The following CHST9 variants were observed in gnomAD, a reference collection of about 807,000 sequenced individuals.
CHST9 encodes the protein carbohydrate sulfotransferase 9.
A neutral mutation model predicts 44.4 loss-of-function variants in CHST9; 41 were observed. The observed-to-expected ratio is 0.92, with a 90% CI of 0.72 to 1.20. The LOEUF (loss-of-function observed/expected upper bound fraction) is 1.20. CHST9 is among the 50% of genes most tolerant of loss of function. The pLI, the probability that CHST9 is intolerant of heterozygous loss-of-function variation, is 0.00. For synonymous variants in CHST9, 171 were observed against 178.4 expected (o/e 0.96, Z 0.33); for missense variants, 504 against 516.5 (o/e 0.98, Z 0.23).
chr18:26,953,960 GA>G, intron 4 of CHST9, among the ~76,000 whole-genome samples: 1 of 152,184 alleles, frequency 6.6e-6, no homozygotes, highest in East Asian at 1.9e-4. Flanking sequence ...AAGAAGATGA[GA>G]TTATGAATCT....
chr18:27,182,983 A>C (rs1598786814), intron 1 of CHST9, among the ~76,000 whole-genome samples: 1 of 152,148 alleles, frequency 6.6e-6, no homozygotes, highest in East Asian at 1.9e-4. Flanking sequence ...AAGTTTCTGA[A>C]GTCACAGGGC....
At chr18:26,949,189 A>G (rs140663198) in intron 4 of CHST9, among the ~76,000 whole-genome samples, 120 of 152,252 alleles carry the variant, frequency 7.9e-4, no homozygotes, top group African/African-American at 2.6e-3. Context: ...TGCGGGCTTG[A>G]GCCCAGGCAG....
chr18:26,993,065 C>T (rs979634751), intron 4 of CHST9, among the ~76,000 whole-genome samples: 1 of 152,196 alleles, frequency 6.6e-6, no homozygotes, highest in Non-Finnish European at 1.5e-5. Context: ...ATGATAATCA[C>T]CACTCTCCTC....
intron 4 of CHST9, among the ~76,000 whole-genome samples, chr18:27,011,070 A>G (rs2057077967): frequency 6.6e-6 from 1 of 152,188 alleles, no homozygotes; most frequent in Admixed American, 6.5e-5. Context: ...AAGCCCTGGC[A>G]TGGAGATTAA....
At chr18:26,971,119 A>G (rs184214361) in intron 4 of CHST9, among the ~76,000 whole-genome samples, 1 of 152,296 alleles carries the variant, frequency 6.6e-6, no homozygotes, top group African/African-American at 2.4e-5. Flanking sequence ...TTCTGAGCAC[A>G]TCTTCTGTTT....
chr18:26,922,353 C>T (rs1293532332), intron 5 of CHST9, among the ~76,000 whole-genome samples: 1 of 152,180 alleles, frequency 6.6e-6, no homozygotes. Flanking sequence ...GACTATAGCA[C>T]TTAGTCTGTA....
intron 2 of CHST9, among the ~76,000 whole-genome samples, chr18:27,050,936 G>C (rs1208900190): frequency 1.3e-5 from 2 of 152,190 alleles, no homozygotes; most frequent in Non-Finnish European, 2.9e-5. Context: ...AATTCTGAAA[G>C]TTGGAAGTGT....
intron 2 of CHST9, among the ~76,000 whole-genome samples, chr18:27,088,157 G>A (rs2058031192): frequency 6.6e-6 from 1 of 152,080 alleles, no homozygotes; most frequent in Non-Finnish European, 1.5e-5. Flanking sequence ...TATAGTTTTG[G>A]ATTCCTCAGT....
intron 5 of CHST9, among the ~76,000 whole-genome samples, chr18:26,943,707 CTCTT>C (rs2056118413): frequency 6.6e-6 from 1 of 152,176 alleles, no homozygotes. Flanking sequence ...GGGAAGGCCT[CTCTT>C]TGTTTGTGTG....
At chr18:27,122,081 TAA>T (rs1278136834) in intron 2 of CHST9, among the ~76,000 whole-genome samples, 1 of 152,198 alleles carries the variant, frequency 6.6e-6, no homozygotes, top group Non-Finnish European at 1.5e-5. Flanking sequence ...GGAGTATGGA[TAA>T]GAGATGGAGG....
chr18:26,971,497 TG>T (rs2056541867), intron 4 of CHST9, among the ~76,000 whole-genome samples: 1 of 152,226 alleles, frequency 6.6e-6, no homozygotes, highest in African/African-American at 2.4e-5. Flanking sequence ...CAAGTCACAG[TG>T]GCTTAAAAGG....
intron 4 of CHST9, among the ~76,000 whole-genome samples, chr18:26,988,610 A>T (rs976190815): frequency 2.6e-5 from 4 of 152,182 alleles, no homozygotes; most frequent in African/African-American, 9.6e-5. Context: ...AGAGAACTCA[A>T]TACCTCTCTT....
chr18:26,984,673 C>A (rs894325502), intron 4 of CHST9, among the ~76,000 whole-genome samples: 1 of 131,166 alleles, frequency 7.6e-6, no homozygotes, highest in East Asian at 2.2e-4. Context: ...GTCAATCTCT[C>A]AGAAAAATGA....
At chr18:27,148,329 CAT>C (rs1379758928) in intron 1 of CHST9, among the ~76,000 whole-genome samples, 3 of 151,606 alleles carry the variant, frequency 2.0e-5, no homozygotes, top group African/African-American at 7.3e-5. Context: ...CATATGTACA[CAT>C]GTGCCATGTT....
intron 4 of CHST9, among the ~76,000 whole-genome samples, chr18:26,947,090 A>G (rs951419760): frequency 6.6e-6 from 1 of 152,188 alleles, no homozygotes; most frequent in Non-Finnish European, 1.5e-5. Context: ...ATAGCATTAA[A>G]TCTATACATT....
At chr18:26,956,035 G>A (rs1258729245) in intron 4 of CHST9, among the ~76,000 whole-genome samples, 2 of 151,974 alleles carry the variant, frequency 1.3e-5, no homozygotes, top group African/African-American at 4.8e-5. Flanking sequence ...AGTGATTCAC[G>A]CCTATACTCC....
At chr18:27,100,382 C>T (rs1040450611) in intron 2 of CHST9, among the ~76,000 whole-genome samples, 1 of 152,026 alleles carries the variant, frequency 6.6e-6, no homozygotes, top group African/African-American at 2.4e-5. Context: ...AGGAAAAGAA[C>T]CTGCACATGT....
chr18:27,067,160 A>T (rs947192118), intron 2 of CHST9, among the ~76,000 whole-genome samples: 2 of 152,154 alleles, frequency 1.3e-5, no homozygotes, highest in Non-Finnish European at 2.9e-5. Context: ...AGATTCATAT[A>T]CTAACCTATG....
intron 5 of CHST9, among the ~76,000 whole-genome samples, chr18:26,937,228 C>T (rs2056009928): frequency 6.6e-6 from 1 of 152,062 alleles, no homozygotes; most frequent in South Asian, 2.1e-4. Context: ...AGACCAGATT[C>T]ACTTTATTTT....
Sources: allele counts gnomAD v4.1 joint callset (sites outside exome capture counted in the v4.1 genomes callset), GRCh38; gene constraint gnomAD v4.1.1; transcripts MANE v1.5; gene names NCBI Gene and HGNC (gene_info 2026-07-23, HGNC 2026-07-21).